METTL15: variants seen among roughly 807,000 people sequenced by gnomAD.
METTL15 encodes 12S rRNA N(4)-cytidine methyltransferase METTL15.
A neutral mutation model predicts 38.3 loss-of-function variants in METTL15; 34 were observed. The observed-to-expected ratio is 0.89, with a 90% CI of 0.68 to 1.18. The LOEUF (loss-of-function observed/expected upper bound fraction) is 1.18. Among genes scored for constraint, METTL15 ranks in the 50% most tolerant of loss-of-function variants. The pLI is 0.00. For synonymous variants in METTL15, 162 were observed against 170.9 expected (o/e 0.95, Z 0.41); for missense variants, 438 against 498.4 (o/e 0.88, Z 1.15).
At chr11:28,518,869 G>T (rs1418106324) in intron 6 of METTL15, among the ~76,000 whole-genome samples, 58 of 152,160 alleles carry the variant, frequency 3.8e-4, no homozygotes, top group Admixed American at 3.8e-3. Flanking sequence ...GTGAGGCTAT[G>T]GGGTGTCCAT....
intron 6 of METTL15, among the ~76,000 whole-genome samples, chr11:28,456,363 G>T (rs1851168970): frequency 6.6e-6 from 1 of 151,954 alleles, no homozygotes; most frequent in Admixed American, 6.6e-5. Context: ...TTCTCTTTCG[G>T]TCTCTTGACC....
intron 4 of METTL15, among the ~76,000 whole-genome samples, chr11:28,277,242 T>C (rs1170079199): frequency 2.0e-5 from 3 of 152,072 alleles, no homozygotes; most frequent in African/African-American, 7.2e-5. Context: ...ATCTACCTAA[T>C]GAAAAGAAAT....
rs183428614 is a variant in METTL15, at chr11:28,495,127, G to A, written c.*425-31351G>A. 7.5e-4 allele frequency among the ~76,000 whole-genome samples: 114 copies of A among 152,246 alleles called. 2 individuals carry two copies. In the East Asian group the frequency reaches 0.012, roughly 15 times the overall value. On this transcript the variant is annotated intron_variant and NMD_transcript_variant, in intron 6 of 7. Coordinates refer to the METTL15 transcript ENST00000532947. The stretch of plus-strand genomic sequence containing the variant: ...TTGTGTTAAATTTCAGAGATTCAAA[G>A]TGAAAACAACATTGTCCAACCCTCA...
intron 5 of METTL15, among the ~76,000 whole-genome samples, chr11:28,374,306 G>T (rs1390091793): frequency 1.3e-5 from 2 of 152,130 alleles, no homozygotes; most frequent in Non-Finnish European, 2.9e-5. Context: ...AGCATGGAAT[G>T]TTCTTCCATT....
chr11:28,389,388 C>T (rs1211826231), intron 5 of METTL15, among the ~76,000 whole-genome samples: 2 of 118,562 alleles, frequency 1.7e-5, no homozygotes, highest in African/African-American at 3.2e-5. Flanking sequence ...CCCCTCCCCC[C>T]ACCCCACAAC....
At chr11:28,224,229 G>T in intron 4 of METTL15, among the ~76,000 whole-genome samples, 1 of 150,028 alleles carries the variant, frequency 6.7e-6, no homozygotes, top group Non-Finnish European at 1.5e-5. Context: ...ATTTTTTTTT[G>T]GACACTTTCA....
intron 5 of METTL15, among the ~76,000 whole-genome samples, chr11:28,397,647 T>A (rs1850585824): frequency 6.6e-6 from 1 of 151,998 alleles, no homozygotes; most frequent in Admixed American, 6.6e-5. Flanking sequence ...GGTGGGACTG[T>A]AAACTAGTTC....
In METTL15 at chr11:28,123,963, A is replaced by G. The variant is rs527425039; in HGVS notation, c.270+10359A>G. The G allele has an allele frequency of 9.9e-6, 10 of 1,010,678 alleles. No homozygotes were observed. In the African/African-American group the frequency reaches 1.5e-4, roughly 15 times the overall value. 62.6% of individuals were successfully genotyped at this position (1,010,678 alleles called of 1,614,324 possible). A position where few individuals can be genotyped will look rare whatever the true frequency, so the allele number is the denominator to read the frequency against. On this transcript the variant is annotated intron_variant, in intron 3 of 6. Coordinates refer to ENST00000407364, the MANE Select transcript of METTL15 (RefSeq NM_001113528.2). ...GAAGAAGATTATTAATAATAACAAC[A>G]TAGAGTTGTATAAGATTTTACTGTT...
At chr11:28,315,460 G>T (rs1489795819) in intron 6 of METTL15, among the ~76,000 whole-genome samples, 1 of 152,200 alleles carries the variant, frequency 6.6e-6, no homozygotes, top group African/African-American at 2.4e-5. Flanking sequence ...TGGCTTGGGT[G>T]CTGTTAAAGG....
intron 3 of METTL15, among the ~76,000 whole-genome samples, chr11:28,120,140 G>A (rs959710362): frequency 6.6e-6 from 1 of 151,852 alleles, no homozygotes; most frequent in African/African-American, 2.4e-5. Context: ...TTTTAGTAGA[G>A]ACAGGGTTTC....
intron 3 of METTL15, among the ~76,000 whole-genome samples, chr11:28,161,662 G>A (rs544767513): frequency 6.6e-6 from 1 of 152,084 alleles, no homozygotes; most frequent in Non-Finnish European, 1.5e-5. Flanking sequence ...AATTGTCTAG[G>A]TTGTCGTAAA....
chr11:28,408,132 A>T (rs1184893217), intron 5 of METTL15, among the ~76,000 whole-genome samples: 1 of 152,148 alleles, frequency 6.6e-6, no homozygotes, highest in African/African-American at 2.4e-5. Flanking sequence ...CAGGTAAGGG[A>T]ACAATACACA....
chr11:28,235,538 A>C (rs1174505784), intron 4 of METTL15, among the ~76,000 whole-genome samples: 1 of 151,988 alleles, frequency 6.6e-6, no homozygotes, highest in East Asian at 1.9e-4. Flanking sequence ...TGTAAGTTGG[A>C]TTCCTAAGTA....
At chr11:28,490,949 G>A (rs535002631) in intron 6 of METTL15, among the ~76,000 whole-genome samples, 103 of 152,274 alleles carry the variant, frequency 6.8e-4, no homozygotes, top group African/African-American at 2.5e-3. Flanking sequence ...GAAGGATTTT[G>A]TGTTGAATTA....
chr11:28,398,338 G>A (rs1850595437), intron 5 of METTL15, among the ~76,000 whole-genome samples: 1 of 152,048 alleles, frequency 6.6e-6, no homozygotes, highest in Non-Finnish European at 1.5e-5. Context: ...TTCAGCATCT[G>A]TTGTTTCCTG....
intron 5 of METTL15, among the ~76,000 whole-genome samples, chr11:28,293,834 C>T (rs1856622969): frequency 6.6e-6 from 1 of 152,122 alleles, no homozygotes. Context: ...AATGGGAGTT[C>T]ACTCATGATT....
chr11:28,386,704 C>G (rs1850444655), intron 5 of METTL15, among the ~76,000 whole-genome samples: 2 of 151,884 alleles, frequency 1.3e-5, no homozygotes, highest in Non-Finnish European at 1.5e-5. Flanking sequence ...ACATTATAGA[C>G]CAATTGCACC....
chr11:28,196,761 A>G (rs972217635), intron 3 of METTL15, among the ~76,000 whole-genome samples: 9 of 151,878 alleles, frequency 5.9e-5, no homozygotes, highest in African/African-American at 1.9e-4. Context: ...ATATTACTTC[A>G]TTTAAGTCAA....
chr11:28,175,899 A>G (rs1851055864), intron 3 of METTL15, among the ~76,000 whole-genome samples: 1 of 151,774 alleles, frequency 6.6e-6, no homozygotes, highest in African/African-American at 2.4e-5. Context: ...GAGATAGAAA[A>G]TAAATGTGCA....
Sources: allele counts gnomAD v4.1 joint callset (sites outside exome capture counted in the v4.1 genomes callset), GRCh38; gene constraint gnomAD v4.1.1; transcripts MANE v1.5; gene names NCBI Gene and HGNC (gene_info 2026-07-23, HGNC 2026-07-21).